MYO1D: variants seen among roughly 807,000 people sequenced by gnomAD.
The protein encoded by MYO1D is myosin ID, also known as unconventional myosin-Id.
MYO1D carries 83 observed loss-of-function variants against 122.0 expected under a neutral mutation model. The observed-to-expected ratio is 0.68, with a 90% confidence interval of 0.57 to 0.82. MYO1D has a LOEUF of 0.82. Ranked by LOEUF, MYO1D falls within the 40% of genes least tolerant of loss-of-function variation. The pLI is 0.00. For synonymous variants in MYO1D, 464 were observed against 446.9 expected (o/e 1.04, Z -0.48); for missense variants, 1,157 against 1,269.5 (o/e 0.91, Z 1.35).
chr17:32,622,346 C>T (rs1426901277), intron 20 of MYO1D, among the ~76,000 whole-genome samples: 3 of 152,106 alleles, frequency 2.0e-5, no homozygotes, highest in Non-Finnish European at 4.4e-5. Context: ...CAACCATCAA[C>T]ACTCATTTAT....
chr17:32,875,390 T>C (rs1277474606), intron 1 of MYO1D, among the ~76,000 whole-genome samples: 3 of 152,198 alleles, frequency 2.0e-5, no homozygotes, highest in Non-Finnish European at 2.9e-5. Context: ...CTTTGAAGTA[T>C]GTATACACAT....
Position 32,563,204 on chromosome 17 carries a change from C to CTTTTT in MYO1D, c.2864+41882_2864+41883insAAAAA, listed in dbSNP as rs749819200. 2.5e-3 allele frequency among the ~76,000 whole-genome samples: 266 copies of CTTTTT among 105,086 alleles called. 3 individuals carry two copies. Among genetic ancestry groups the CTTTTT allele is most frequent in the Middle Eastern group, 6.7e-3 (1 of 150 alleles). 68.9% of individuals were successfully genotyped at this position (105,086 alleles called of 152,430 possible). A position where few individuals can be genotyped will look rare whatever the true frequency, so the allele number is the denominator to read the frequency against. ...GCAATTACAGCTCTTTTTTTCTTCT[C>CTTTTT]TCTTTTTTTTTTTTTTTTTTTTTGA... On this transcript the variant is annotated intron_variant, in intron 21 of 21. Transcript: ENST00000318217.
intron 1 of MYO1D, among the ~76,000 whole-genome samples, chr17:32,833,833 T>C (rs1226717366): frequency 6.6e-6 from 1 of 152,084 alleles, no homozygotes; most frequent in African/African-American, 2.4e-5. Flanking sequence ...TTCACCTTCC[T>C]TCAATTCTTT....
chr17:32,674,512 T>C (rs1427940694), intron 16 of MYO1D, among the ~76,000 whole-genome samples: 1 of 152,198 alleles, frequency 6.6e-6, no homozygotes, highest in Non-Finnish European at 1.5e-5. Context: ...ACACTTGACA[T>C]ACATTAAGAA....
chr17:32,773,355 C>A (rs1221765494), intron 4 of MYO1D, among the ~76,000 whole-genome samples: 3 of 152,298 alleles, frequency 2.0e-5, no homozygotes, highest in African/African-American at 7.2e-5. Flanking sequence ...GCACCGGTCA[C>A]GGATTCGGGA....
At chr17:32,773,721 T>C (rs1314940536) in intron 4 of MYO1D, among the ~76,000 whole-genome samples, 1 of 152,084 alleles carries the variant, frequency 6.6e-6, no homozygotes, top group Non-Finnish European at 1.5e-5. Flanking sequence ...GCAATACCAC[T>C]TGACCCCAAT....
chr17:32,544,101 CT>C lies in MYO1D; in HGVS notation c.2865-49187del, dbSNP rs542735823. ...AGCCACCGCGCCTGGCCAAATCTTGCTTTTTTTTTTTTGAGACAGGGTCTCA... is the reference window on the plus strand; with the variant it reads ...AGCCACCGCGCCTGGCCAAATCTTGCTTTTTTTTTTTGAGACAGGGTCTCA... On this transcript the variant is annotated intron_variant, in intron 21 of 21. Coordinates refer to ENST00000318217, the MANE Select transcript of MYO1D (RefSeq NM_015194.3). Among the ~76,000 whole-genome samples, 335 of 140,380 alleles carry C rather than the reference CT, an allele frequency of 2.4e-3. 1 individual carries two copies. Among genetic ancestry groups the C allele is most frequent in the Admixed American group, 2.5e-3 (35 of 13,994 alleles). The allele number at this position is 140,380 out of a possible 152,430, so 92.1% of individuals were successfully genotyped here. A position where few individuals can be genotyped will look rare whatever the true frequency, so the allele number is the denominator to read the frequency against.
At chr17:32,680,157 T>C in intron 16 of MYO1D, among the ~76,000 whole-genome samples, 1 of 35,530 alleles carries the variant, frequency 2.8e-5, no homozygotes, top group South Asian at 8.9e-4. Flanking sequence ...AAGGAGATTT[T>C]GGGCTGAGAC....
intron 21 of MYO1D, among the ~76,000 whole-genome samples, chr17:32,541,742 A>C (rs1324615713): frequency 2.0e-5 from 3 of 152,124 alleles, no homozygotes; most frequent in Non-Finnish European, 4.4e-5. Flanking sequence ...CGATGTGTGC[A>C]TTCTTATTAT....
At chr17:32,600,825 T>G (rs1346202922) in intron 21 of MYO1D, among the ~76,000 whole-genome samples, 2 of 152,234 alleles carry the variant, frequency 1.3e-5, no homozygotes, top group Non-Finnish European at 2.9e-5. Context: ...ACTTTTAATT[T>G]CCTTCAAGAA....
intron 1 of MYO1D, among the ~76,000 whole-genome samples, chr17:32,791,387 AG>A (rs2090349424): frequency 2.7e-5 from 4 of 149,894 alleles, no homozygotes; most frequent in Non-Finnish European, 5.9e-5. Context: ...AAAAAAAAAA[AG>A]GATATTGTTG....
At chr17:32,639,855 T>C (rs1234528146) in intron 19 of MYO1D, among the ~76,000 whole-genome samples, 3 of 152,236 alleles carry the variant, frequency 2.0e-5, no homozygotes, top group Non-Finnish European at 4.4e-5. Context: ...AGTTGTGATC[T>C]ATATCCTCCA....
At chr17:32,739,230 G>T (rs992148515) in intron 13 of MYO1D, among the ~76,000 whole-genome samples, 1 of 151,914 alleles carries the variant, frequency 6.6e-6, no homozygotes, top group Non-Finnish European at 1.5e-5. Context: ...AAAAAATTGG[G>T]GGTTGAGCAA....
chr17:32,821,784 T>C (rs370915561), intron 1 of MYO1D, among the ~76,000 whole-genome samples: 1 of 152,206 alleles, frequency 6.6e-6, no homozygotes, highest in Non-Finnish European at 1.5e-5. Flanking sequence ...AATGCAGGGA[T>C]TAGGTTGTGG....
At chr17:32,615,398 A>T (rs2087758087) in intron 20 of MYO1D, among the ~76,000 whole-genome samples, 1 of 152,242 alleles carries the variant, frequency 6.6e-6, no homozygotes, top group Non-Finnish European at 1.5e-5. Flanking sequence ...TGTACGTAAC[A>T]AATGTGATGA....
chr17:32,857,060 T>C (rs2091032869), intron 1 of MYO1D, among the ~76,000 whole-genome samples: 1 of 152,248 alleles, frequency 6.6e-6, no homozygotes, highest in Non-Finnish European at 1.5e-5. Flanking sequence ...ATCAGTTATG[T>C]GACTTTGGCA....
intron 14 of MYO1D, among the ~76,000 whole-genome samples, chr17:32,736,959 T>G (rs936372979): frequency 2.0e-5 from 3 of 152,150 alleles, no homozygotes; most frequent in Non-Finnish European, 4.4e-5. Context: ...TTTGATTATA[T>G]AAGCCAACAA....
intron 1 of MYO1D, among the ~76,000 whole-genome samples, chr17:32,800,551 G>A (rs1016489975): frequency 6.6e-6 from 1 of 152,138 alleles, no homozygotes; most frequent in Non-Finnish European, 1.5e-5. Flanking sequence ...GGAGACCAGG[G>A]GAGGATTGGA....
chr17:32,638,675 G>C (rs1349301777), intron 20 of MYO1D, 47 bp downstream of exon 20: 1 of 1,349,148 alleles, frequency 7.4e-7, no homozygotes, highest in Non-Finnish European at 1.1e-6. Context: ...TGGTCCATGA[G>C]CACCAGGTTA....
Sources: allele counts gnomAD v4.1 joint callset (sites outside exome capture counted in the v4.1 genomes callset), GRCh38; gene constraint gnomAD v4.1.1; transcripts MANE v1.5; gene names NCBI Gene and HGNC (gene_info 2026-07-23, HGNC 2026-07-21).